Variants in SLC4A4 observed in about 807,000 individuals in gnomAD.
SLC4A4 encodes electrogenic sodium bicarbonate cotransporter 1.
In SLC4A4, 27 loss-of-function variants were observed where a neutral mutation model predicts 111.5. The observed-to-expected ratio is 0.24, with a 90% CI of 0.18 to 0.33. The LOEUF (loss-of-function observed/expected upper bound fraction) is 0.33. SLC4A4 is among the 10% of genes least tolerant of loss of function. The pLI, the probability that SLC4A4 is intolerant of heterozygous loss-of-function variation, is 1.00. For missense variants in SLC4A4, 909 were observed against 1,315.5 expected, an observed-to-expected ratio of 0.69 and a Z score of 4.78; for synonymous variants, 443 against 463.4, an observed-to-expected ratio of 0.96 and a Z score of 0.57.
chr4:71,165,527 C>T (rs1553958231), intron 2 of SLC4A4, among the ~76,000 whole-genome samples: 4 of 151,820 alleles, frequency 2.6e-5, no homozygotes, highest in South Asian at 2.1e-4. Flanking sequence ...CACAGGGAGG[C>T]GAACTTCACA....
intron 7 of SLC4A4, among the ~76,000 whole-genome samples, chr4:71,426,833 A>T (rs1287654725): frequency 1.3e-5 from 2 of 152,158 alleles, no homozygotes; most frequent in Non-Finnish European, 2.9e-5. Context: ...TGTGGTGTGT[A>T]CATTCCTATA....
At chr4:71,393,777 A>G (rs1226369777) in intron 6 of SLC4A4, among the ~76,000 whole-genome samples, 2 of 152,182 alleles carry the variant, frequency 1.3e-5, no homozygotes, top group African/African-American at 4.8e-5. Flanking sequence ...AAAAGGTCAT[A>G]GTCACCAAAA....
chr4:71,277,425 T>C (rs1327946532), intron 3 of SLC4A4, among the ~76,000 whole-genome samples: 1 of 152,192 alleles, frequency 6.6e-6, no homozygotes, highest in Non-Finnish European at 1.5e-5. Flanking sequence ...TTGCCATCTG[T>C]GTATCCTCTT....
chr4:71,323,399 AAG>A (rs1316878181), intron 3 of SLC4A4, among the ~76,000 whole-genome samples: 1 of 152,014 alleles, frequency 6.6e-6, no homozygotes, highest in East Asian at 1.9e-4. Flanking sequence ...AACAACAAGA[AAG>A]AATTTTTTTA....
Position 71,486,867 on chromosome 4 carries a change from T to C in SLC4A4, c.1904-81T>C, listed in dbSNP as rs1729447934. 3.3e-5 allele frequency: 23 copies of C among 707,220 alleles called. No individual in the cohort carries two copies. The South Asian group carries it at 4.7e-4, about 14-fold the overall frequency. 43.8% of individuals were successfully genotyped at this position (707,220 alleles called of 1,614,324 possible). A position where few individuals can be genotyped will look rare whatever the true frequency, so the allele number is the denominator to read the frequency against. ...AGACATTTTTACTGTATAACCCTGC[T>C]TTTAAAAATACCTAATTATGCATTT... On this transcript the variant is annotated intron_variant, in intron 14 of 25. Transcript: ENST00000264485.
At chr4:71,377,997 GAA>G (rs949025617) in intron 6 of SLC4A4, among the ~76,000 whole-genome samples, 2 of 152,096 alleles carry the variant, frequency 1.3e-5, no homozygotes, top group Non-Finnish European at 2.9e-5. Flanking sequence ...AGCAAAAGCA[GAA>G]ACCCCTGATA....
At chr4:71,169,070 G>A (rs1381266148) in intron 2 of SLC4A4, among the ~76,000 whole-genome samples, 4 of 151,984 alleles carry the variant, frequency 2.6e-5, no homozygotes, top group Non-Finnish European at 4.4e-5. Context: ...CCCGGCTGGA[G>A]TGCAATGGCA....
intron 4 of SLC4A4, among the ~76,000 whole-genome samples, chr4:71,345,063 C>G (rs561661866): frequency 4.6e-5 from 7 of 152,200 alleles, no homozygotes; most frequent in African/African-American, 1.7e-4. Context: ...CCTGTTCTTC[C>G]CTTTCCTAAA....
intron 16 of SLC4A4, among the ~76,000 whole-genome samples, chr4:71,513,124 G>T (rs1732076254): frequency 6.6e-6 from 1 of 152,046 alleles, no homozygotes; most frequent in Non-Finnish European, 1.5e-5. Context: ...AGGCTTCTTT[G>T]TGGTTCTATA....
intron 2 of SLC4A4, among the ~76,000 whole-genome samples, chr4:71,139,194 TGTGTG>T (rs1743934680): frequency 6.6e-6 from 1 of 151,352 alleles, no homozygotes; most frequent in South Asian, 2.1e-4. Flanking sequence ...TGTGTGTGTG[TGTGTG>T]TGTGTGTGTG....
chr4:71,320,145 C>T (rs1475531601), intron 3 of SLC4A4, among the ~76,000 whole-genome samples: 2 of 152,004 alleles, frequency 1.3e-5, no homozygotes, highest in Non-Finnish European at 2.9e-5. Context: ...CCTTCCACAC[C>T]ACTTGCAAGC....
At chr4:71,107,322 C>A (rs964125759) in intron 2 of SLC4A4, among the ~76,000 whole-genome samples, 4 of 151,936 alleles carry the variant, frequency 2.6e-5, no homozygotes, top group Non-Finnish European at 5.9e-5. Flanking sequence ...GCATTACTGT[C>A]TTCTTCTGTG....
chr4:71,208,443 A>AATATAT (rs1553962713), intron 1 of SLC4A4, among the ~76,000 whole-genome samples: 1 of 144,832 alleles, frequency 6.9e-6, no homozygotes, highest in African/African-American at 2.6e-5. Flanking sequence ...AAAAAAAAAA[A>AATATAT]ATATATATAT....
intron 7 of SLC4A4, among the ~76,000 whole-genome samples, chr4:71,401,737 T>G (rs1274259691): frequency 2.2e-4 from 33 of 152,212 alleles, no homozygotes; most frequent in Non-Finnish European, 1.5e-5. Flanking sequence ...AATACTGTGC[T>G]TAGTGGTGCA....
chr4:71,146,160 T>C (rs1440022071), intron 2 of SLC4A4, among the ~76,000 whole-genome samples: 5 of 152,216 alleles, frequency 3.3e-5, no homozygotes, highest in Admixed American at 6.5e-5. Flanking sequence ...TTTGTTCTCA[T>C]TGGTTTCAAA....
chr4:71,485,691 T>C (rs1399562922), intron 14 of SLC4A4, among the ~76,000 whole-genome samples: 3 of 151,530 alleles, frequency 2.0e-5, no homozygotes, highest in African/African-American at 4.8e-5. Flanking sequence ...AATTCCAAAA[T>C]TGACCAAAAG....
chr4:71,235,572 C>G (rs1456810922), intron 1 of SLC4A4, among the ~76,000 whole-genome samples: 1 of 152,182 alleles, frequency 6.6e-6, no homozygotes, highest in Admixed American at 6.5e-5. Context: ...TTTCTTTCTG[C>G]TTTCACTATA....
At chr4:71,466,937 G>GAA (rs1727386094) in intron 13 of SLC4A4, among the ~76,000 whole-genome samples, 4 of 111,704 alleles carry the variant, frequency 3.6e-5, no homozygotes, top group African/African-American at 1.1e-4. Flanking sequence ...CGGGAAGAGA[G>GAA]AGAGAGAGAG....
In SLC4A4 at chr4:71,385,561, T is replaced by C. The variant is rs1453229114; in HGVS notation, c.731-12016T>C. ...TGCTTTCTCTATCAGTTTGTTCTAA[T>C]GTTAGAAATACATGAATAGAATTTA... On this transcript the variant is annotated intron_variant, in intron 6 of 25. Transcript: ENST00000264485. 3.3e-5 allele frequency among the ~76,000 whole-genome samples: 5 copies of C among 152,288 alleles called. No individual in the cohort carries two copies. In the East Asian group the frequency reaches 9.7e-4, roughly 29 times the overall value.
Sources: allele counts gnomAD v4.1 joint callset (sites outside exome capture counted in the v4.1 genomes callset), GRCh38; gene constraint gnomAD v4.1.1; transcripts MANE v1.5; gene names NCBI Gene and HGNC (gene_info 2026-07-23, HGNC 2026-07-21).